PLA2G4E: variants seen among roughly 807,000 people sequenced by gnomAD.
PLA2G4E encodes the protein phospholipase A2 group IVE.
PLA2G4E carries 84 observed loss-of-function variants against 109.1 expected under a neutral mutation model. The ratio of observed to expected loss-of-function variants is 0.77; its 90% confidence interval spans 0.65 to 0.92. The LOEUF is 0.92. PLA2G4E is among the 40% of genes least tolerant of loss of function. The pLI is 0.00. For missense variants in PLA2G4E, 1,057 were observed against 1,076.6 expected (o/e 0.98, Z 0.25); for synonymous variants, 469 against 436.1 (o/e 1.08, Z -0.94).
At chr15:42,023,716 A>T (rs555216556) in intron 1 of PLA2G4E, among the ~76,000 whole-genome samples, 155 of 151,648 alleles carry the variant, frequency 1.0e-3, no homozygotes, top group Non-Finnish European at 1.8e-3. Context: ...AGCCCCAAAC[A>T]CCAGGGCATT....
At chr15:42,047,495 A>G (rs1162384449) in intron 1 of PLA2G4E, among the ~76,000 whole-genome samples, 1 of 152,214 alleles carries the variant, frequency 6.6e-6, no homozygotes, top group East Asian at 1.9e-4. Context: ...CAGCAGCCTC[A>G]TGACCGAATC....
chr15:41,990,816 C>T (rs1221683388), intron 13 of PLA2G4E, among the ~76,000 whole-genome samples: 1 of 143,040 alleles, frequency 7.0e-6, no homozygotes, highest in East Asian at 2.3e-4. Flanking sequence ...TCACTCTAAT[C>T]CCCAGAGTGG....
In PLA2G4E at chr15:42,013,700, G is replaced by C. The variant is rs933457406; in HGVS notation, c.241C>G (p.Arg81Gly). The change falls in exon 2 of 20, where the codon CGG becomes GGG. Residue 81 changes from arginine to glycine, a missense_variant. Transcript: ENST00000399518. ...GGATACTCACGCATATCAGCCTGCC[G>C]GACATTTTTCATCCGGATGACCCTC... 3 of 1,550,566 alleles carry C rather than the reference G, an allele frequency of 1.9e-6. No homozygotes were observed. The South Asian group carries it at 3.6e-5, about 18-fold the overall frequency.
At chr15:41,989,683 C>T (rs920037000) in intron 14 of PLA2G4E, 131 bp from the exon 15 acceptor site, 45 of 1,272,390 alleles carry the variant, frequency 3.5e-5, no homozygotes, top group Middle Eastern at 4.6e-4. Flanking sequence ...GCAGTTCCCC[C>T]AAAGGACACA....
At chr15:41,988,425 G>A (rs1431721235) in intron 15 of PLA2G4E, among the ~76,000 whole-genome samples, 1 of 152,196 alleles carries the variant, frequency 6.6e-6, no homozygotes, top group Admixed American at 6.5e-5. Context: ...GGGATTTAAT[G>A]CTGGCAAGTG....
intron 19 of PLA2G4E, among the ~76,000 whole-genome samples, 178 bp from the exon 20 acceptor site, chr15:41,984,152 G>A (rs962975653): frequency 1.3e-5 from 2 of 152,214 alleles, no homozygotes; most frequent in South Asian, 2.1e-4. Flanking sequence ...TCCTCAGGGC[G>A]TGGTGCAGGC....
intron 1 of PLA2G4E, among the ~76,000 whole-genome samples, chr15:42,049,622 G>T (rs1889473768): frequency 6.6e-6 from 1 of 152,156 alleles, no homozygotes; most frequent in Non-Finnish European, 1.5e-5. Flanking sequence ...GCTCAGGATG[G>T]ACCCTCCAAG....
chr15:42,005,435 G>A (rs2141047713), intron 4 of PLA2G4E, among the ~76,000 whole-genome samples: 1 of 152,352 alleles, frequency 6.6e-6, no homozygotes, highest in African/African-American at 2.4e-5. Flanking sequence ...CCACCAGAAT[G>A]TAAGCTAGGT....
In PLA2G4E at chr15:41,984,423, A is replaced by G; in HGVS notation, c.2386+13T>C. 3 of 1,605,850 alleles carry G rather than the reference A, an allele frequency of 1.9e-6. No individual in the cohort carries two copies. The highest frequency in any genetic ancestry group is 2.6e-6 in the Non-Finnish European group (3 of 1,174,694). On this transcript the variant is annotated intron_variant, in intron 19 of 19. Transcript: ENST00000399518. ...GCAGCAGGTGCTGGGAACTGAGCAC[A>G]GAGGCAGCTCACCTGGTGCCTTGTA... is the stretch of plus-strand genomic sequence containing the variant.
intron 1 of PLA2G4E, among the ~76,000 whole-genome samples, chr15:42,027,896 T>A (rs1267133852): frequency 1.3e-5 from 1 of 76,352 alleles, no homozygotes; most frequent in African/African-American, 4.8e-5. Context: ...ATCTACCTAC[T>A]TGCTTCTGTG....
At chr15:42,013,931 G>A (rs992020795) in intron 1 of PLA2G4E, among the ~76,000 whole-genome samples, 174 bp from the exon 2 acceptor site, 3 of 99,664 alleles carry the variant, frequency 3.0e-5, no homozygotes, top group African/African-American at 1.2e-4. Context: ...CACTCTTGTT[G>A]CCCAGGCTAG....
intron 12 of PLA2G4E, among the ~76,000 whole-genome samples, chr15:41,993,219 T>A (rs1240870696): frequency 1.3e-5 from 2 of 152,246 alleles, no homozygotes; most frequent in Non-Finnish European, 2.9e-5. Context: ...ATGAAGATTC[T>A]GGATCCAGAA....
chr15:41,984,313 G>T, intron 19 of PLA2G4E, 123 bp downstream of exon 19: 1 of 1,087,218 alleles, frequency 9.2e-7, no homozygotes, highest in East Asian at 2.5e-5. Flanking sequence ...TGGAAGCCAA[G>T]GTTGGCTCAG....
intron 1 of PLA2G4E, among the ~76,000 whole-genome samples, chr15:42,015,184 C>T (rs958433489): frequency 5.3e-5 from 8 of 152,196 alleles, no homozygotes; most frequent in African/African-American, 1.9e-4. Context: ...AGTCTCGCAG[C>T]AGCCACTACT....
At chr15:42,014,907 C>T (rs1345655290) in intron 1 of PLA2G4E, among the ~76,000 whole-genome samples, 1 of 152,046 alleles carries the variant, frequency 6.6e-6, no homozygotes. Context: ...CCCCAGGGGA[C>T]CAGAGCCCTG....
At chr15:41,987,440 A>T in intron 16 of PLA2G4E, 65 bp from the exon 17 acceptor site, 4 of 1,498,782 alleles carry the variant, frequency 2.7e-6, no homozygotes, top group Non-Finnish European at 3.7e-6. Context: ...GCCTATGCGA[A>T]GCCCCACATG....
rs1348137896 is a variant in PLA2G4E at position 42,019,035 on chromosome 15, C to A, written c.184-5278G>T. Among the ~76,000 whole-genome samples the A allele has an allele frequency of 5.9e-5, 9 of 152,192 alleles. No homozygotes were observed. In the South Asian group the frequency reaches 1.7e-3, roughly 28 times the overall value. Reference sequence around the variant, plus strand: ...ACCGCCAAGGAAGGCATCATTATCCCTGCTTTACAGAGGGGAAGGCCGCGT... The same window carrying A: ...ACCGCCAAGGAAGGCATCATTATCCATGCTTTACAGAGGGGAAGGCCGCGT... On this transcript the variant is annotated intron_variant, in intron 1 of 19. Coordinates refer to ENST00000399518, the Ensembl canonical transcript of PLA2G4E.
rs991825205 is a variant in PLA2G4E at position 42,041,378 on chromosome 15, C to A, written c.183+9143G>T. The stretch of plus-strand genomic sequence containing the variant: ...GTGCCCCCATTCCACTCGCACCCAC[C>A]GATGTATCCATGGCATCTAGGCGTT... On this transcript the variant is annotated intron_variant, in intron 1 of 19. Transcript: ENST00000399518. Among the ~76,000 whole-genome samples the A allele has an allele frequency of 6.6e-5, 10 of 152,254 alleles. No individual in the cohort carries two copies. The South Asian group carries it at 1.9e-3, about 28-fold the overall frequency.
intron 1 of PLA2G4E, among the ~76,000 whole-genome samples, chr15:42,024,137 GGGA>G (rs2068672810): frequency 8.7e-6 from 1 of 115,262 alleles, no homozygotes; most frequent in South Asian, 2.6e-4. Flanking sequence ...GGGATGGGAG[GGGA>G]GCAGAGCAGA....
Sources: gnomAD v4.1 joint callset for allele counts (sites outside exome capture counted in the v4.1 genomes callset) on GRCh38, gnomAD v4.1.1 for gene constraint, MANE v1.5 for transcripts, NCBI Gene and HGNC (gene_info 2026-07-23, HGNC 2026-07-21) for gene names.